The following HNRNPR variants were observed in gnomAD, a reference collection of about 807,000 sequenced individuals.
The protein encoded by HNRNPR is heterogeneous nuclear ribonucleoprotein R.
In HNRNPR, 4 loss-of-function variants were observed where a neutral mutation model predicts 70.3. The observed-to-expected ratio is 0.06, with a 90% CI of 0.03 to 0.13. The LOEUF (loss-of-function observed/expected upper bound fraction) is 0.13. Ranked by LOEUF, HNRNPR falls within the 10% of genes least tolerant of loss-of-function variation. The probability of loss-of-function intolerance (pLI) is 1.00; values close to 1 mark genes in which losing one functional copy is unlikely to be tolerated. For synonymous variants in HNRNPR, 241 were observed against 267.6 expected (o/e 0.90, Z 0.97); for missense variants, 423 against 788.5 (o/e 0.54, Z 5.55).
intron 5 of HNRNPR, among the ~76,000 whole-genome samples, chr1:23,332,100 C>G (rs1049421143): frequency 6.6e-6 from 1 of 151,930 alleles, no homozygotes; most frequent in Non-Finnish European, 1.5e-5. Context: ...CCACTGCACT[C>G]CAGCCTGGGC....
intron 8 of HNRNPR, among the ~76,000 whole-genome samples, chr1:23,315,279 CAAAA>C (rs1165980444): frequency 8.5e-5 from 3 of 35,392 alleles, no homozygotes; most frequent in Admixed American, 4.0e-4. Context: ...GGCTCCGTCT[CAAAA>C]AAAAAAAAAA....
intron 4 of HNRNPR, 34 bp downstream of exon 4, chr1:23,337,720 C>A (rs1333770768): frequency 1.6e-6 from 2 of 1,252,088 alleles, no homozygotes; most frequent in African/African-American, 1.5e-5. Context: ...TCATTAAATG[C>A]AATTTCATTA....
At chr1:23,311,536 C>A in intron 9 of HNRNPR, 1 of 402,616 alleles carries the variant, frequency 2.5e-6, no homozygotes, top group Non-Finnish European at 4.4e-6. Context: ...ACATAAATTA[C>A]ATTTAGAACA....
Position 23,318,788 on chromosome 1 carries a change from G to A in HNRNPR, c.812-100C>T, listed in dbSNP as rs1286585620. 8.4e-6 allele frequency: 9 copies of A among 1,069,538 alleles called. No homozygotes were observed. Among genetic ancestry groups the A allele is most frequent in the Non-Finnish European group, 9.7e-6 (7 of 724,736 alleles). 66.3% of individuals were successfully genotyped at this position (1,069,538 alleles called of 1,614,324 possible). A position where few individuals can be genotyped will look rare whatever the true frequency, so the allele number is the denominator to read the frequency against. On this transcript the variant is annotated intron_variant, in intron 7 of 10. Coordinates refer to ENST00000302271, the MANE Select transcript of HNRNPR (RefSeq NM_005826.5). The surrounding 1 kb of genome is among the most constrained non-coding windows in gnomAD (Gnocchi z 4.2). ...ACTTGACGATGAGCAAAATATAAGT[G>A]AAGCAGCCTCAACATGAGTCACTAA...
In HNRNPR at chr1:23,306,123, G is replaced by T. The variant is rs1430120401; in HGVS notation, c.*4331C>A. The T allele has an allele frequency of 6.6e-6, 1 of 151,998 alleles. No individual in the cohort carries two copies. Among genetic ancestry groups the T allele is most frequent in the Non-Finnish European group, 1.5e-5 (1 of 67,984 alleles). 9.4% of individuals were successfully genotyped at this position (151,998 alleles called of 1,614,324 possible). A position where few individuals can be genotyped will look rare whatever the true frequency, so the allele number is the denominator to read the frequency against. ...AAATGACAGTTAAAGCAAATTTATT[G>T]TCTCTCCAAGAGACTTTTTAAGATT... On this transcript the variant is annotated 3_prime_UTR_variant, in exon 11 of 11. Transcript: ENST00000302271.
chr1:23,337,149 G>T, intron 4 of HNRNPR, among the ~76,000 whole-genome samples: 1 of 152,032 alleles, frequency 6.6e-6, no homozygotes, highest in East Asian at 1.9e-4. Context: ...CAAAGTGGCT[G>T]GAAAATAACT....
rs1358059042 is a variant in HNRNPR at position 23,333,637 on chromosome 1, G to C, written c.385-6C>G. 2.7e-6 allele frequency: 4 copies of C among 1,509,140 alleles called. No individual in the cohort carries two copies. The highest frequency in any genetic ancestry group is 3.7e-6 in the Non-Finnish European group (4 of 1,084,512). 93.5% of individuals were successfully genotyped at this position (1,509,140 alleles called of 1,614,324 possible). A position where few individuals can be genotyped will look rare whatever the true frequency, so the allele number is the denominator to read the frequency against. On this transcript the variant is annotated splice_polypyrimidine_tract_variant and splice_region_variant and intron_variant, in intron 4 of 10. Transcript: ENST00000302271. ...CCAGTTCTCTCAAGCAAGGCCTAGA[G>C]ATAATTATACATCTCTTTATACTTG...
At chr1:23,341,109 C>T (rs143651049) in intron 1 of HNRNPR, 92 bp from the exon 2 acceptor site, 2 of 892,602 alleles carry the variant, frequency 2.2e-6, no homozygotes, top group Non-Finnish European at 3.4e-6. Flanking sequence ...AATTTGTATA[C>T]ATGCTGCTAA....
chr1:23,316,410 G>T (rs1015490256), intron 8 of HNRNPR, among the ~76,000 whole-genome samples: 1 of 152,150 alleles, frequency 6.6e-6, no homozygotes, highest in Non-Finnish European at 1.5e-5. Flanking sequence ...CTAGGAAAAA[G>T]GAGTTACCAG....
At chr1:23,313,729 G>T in intron 8 of HNRNPR, 27 bp from the exon 9 acceptor site, 2 of 1,589,850 alleles carry the variant, frequency 1.3e-6, no homozygotes, top group East Asian at 2.3e-5. Flanking sequence ...AAACAAAACC[G>T]TCATTGGCTA....
In HNRNPR at chr1:23,320,428, T is replaced by C. The variant is rs72881163; in HGVS notation, c.811+1100A>G. Among the ~76,000 whole-genome samples, 423 of 152,224 alleles carry C rather than the reference T, an allele frequency of 2.8e-3. 4 individuals carry two copies. Among genetic ancestry groups the C allele is most frequent in the African/African-American group, 9.5e-3 (396 of 41,530 alleles). On this transcript the variant is annotated intron_variant, in intron 7 of 10. Transcript: ENST00000302271. ...TAAAGGACTAAAGATGAGGTAGACA[T>C]AGAAGTAGGTAGGAGTCTAAAGCCC...
chr1:23,338,702 G>A (rs1646598029), intron 2 of HNRNPR, 94 bp from the exon 3 acceptor site: 2 of 580,450 alleles, frequency 3.4e-6, no homozygotes, highest in African/African-American at 1.9e-5. Flanking sequence ...CATTCAATAT[G>A]ATCACTAACA....
intron 4 of HNRNPR, among the ~76,000 whole-genome samples, chr1:23,336,133 G>A (rs1299318373): frequency 8.4e-4 from 44 of 52,266 alleles, no homozygotes; most frequent in Non-Finnish European, 1.3e-3. Context: ...AAAAAAAAAA[G>A]TCTATCACAG....
intron 4 of HNRNPR, among the ~76,000 whole-genome samples, chr1:23,335,385 G>A (rs1570096014): frequency 6.6e-6 from 1 of 152,324 alleles, no homozygotes; most frequent in South Asian, 2.1e-4. Context: ...CCACACCCCT[G>A]GGCCACAGAC....
chr1:23,315,505 T>C (rs908522379), intron 8 of HNRNPR, among the ~76,000 whole-genome samples: 1 of 152,080 alleles, frequency 6.6e-6, no homozygotes, highest in African/African-American at 2.4e-5. Flanking sequence ...GTGGATATGG[T>C]AGGCTACCAA....
rs1242592892 is a variant in HNRNPR at position 23,305,681 on chromosome 1, G to A, written c.*4773C>T. The stretch of plus-strand genomic sequence containing the variant: ...ATCCCCTACAAACTATAAGATGAGG[G>A]ATTTTAATCTTTAGCAATAATTTAA... On this transcript the variant is annotated 3_prime_UTR_variant, in exon 11 of 11. Transcript: ENST00000302271. The A allele has an allele frequency of 6.6e-6, 1 of 151,908 alleles. No homozygotes were observed. Among genetic ancestry groups the A allele is most frequent in the Non-Finnish European group, 1.5e-5 (1 of 67,978 alleles). The allele number at this position is 151,908 out of a possible 1,614,324, so 9.4% of individuals were successfully genotyped here. A position where few individuals can be genotyped will look rare whatever the true frequency, so the allele number is the denominator to read the frequency against.
intron 8 of HNRNPR, among the ~76,000 whole-genome samples, chr1:23,315,045 C>T (rs763450486): frequency 4.6e-5 from 7 of 151,956 alleles, no homozygotes; most frequent in East Asian, 3.9e-4. Context: ...TTTGGGAGGC[C>T]GAGGTGGGCA....
chr1:23,324,569 A>C (rs1053178752), intron 5 of HNRNPR, among the ~76,000 whole-genome samples: 4 of 151,626 alleles, frequency 2.6e-5, no homozygotes, highest in African/African-American at 9.7e-5. Context: ...CTCCATCTCT[A>C]AATAAATAAA....
At chr1:23,323,503 A>T in intron 6 of HNRNPR, 53 bp downstream of exon 6, 1 of 1,474,710 alleles carries the variant, frequency 6.8e-7, no homozygotes, top group South Asian at 1.2e-5. Flanking sequence ...TTTGAATTAA[A>T]GTTTATTTCC....
Sources: gnomAD v4.1 joint callset for allele counts (sites outside exome capture counted in the v4.1 genomes callset) on GRCh38, gnomAD v4.1.1 for gene constraint, Gnocchi (gnomAD v3.1) non-coding constraint, MANE v1.5 for transcripts, NCBI Gene and HGNC (gene_info 2026-07-23, HGNC 2026-07-21) for gene names.